Variants in CTNNA3 observed in about 807,000 individuals in gnomAD.
The protein encoded by CTNNA3 is catenin alpha-3.
In CTNNA3, 76 loss-of-function variants were observed where a neutral mutation model predicts 95.7. That is an observed-to-expected ratio of 0.79 (90% CI 0.66 to 0.96). CTNNA3 has a LOEUF of 0.96. Among genes scored for constraint, CTNNA3 ranks in the 40% least tolerant of loss-of-function variants. The pLI is 0.00. For synonymous variants in CTNNA3, 431 were observed against 374.4 expected (o/e 1.15, Z -1.74); for missense variants, 1,191 against 1,089.8 (o/e 1.09, Z -1.31).
rs2078482901 is a variant in CTNNA3, at chr10:65,988,923, C to G, written c.2160-126G>C. ...TCCGCATATGTAAAATATTCGCATC[C>G]CAAAGAACGGCTATTGTTTTTGTGA... On this transcript the variant is annotated intron_variant, in intron 15 of 17. Transcript: ENST00000433211. The G allele has an allele frequency of 8.1e-6, 5 of 617,610 alleles. No individual in the cohort carries two copies. The Admixed American group carries it at 8.6e-5, about 11-fold the overall frequency. 38.3% of individuals were successfully genotyped at this position (617,610 alleles called of 1,614,324 possible). A position where few individuals can be genotyped will look rare whatever the true frequency, so the allele number is the denominator to read the frequency against.
chr10:66,011,764 C>A (rs1421525231), intron 15 of CTNNA3, among the ~76,000 whole-genome samples: 1 of 152,162 alleles, frequency 6.6e-6, no homozygotes, highest in East Asian at 1.9e-4. Flanking sequence ...CACACAGCAA[C>A]TCTCTTTCTC....
intron 7 of CTNNA3, among the ~76,000 whole-genome samples, chr10:66,791,904 G>A (rs1057422487): frequency 2.6e-5 from 4 of 152,040 alleles, no homozygotes; most frequent in East Asian, 1.9e-4. Context: ...ACTATAATCC[G>A]TATACATATA....
rs1275173361 is a variant in CTNNA3, at chr10:67,520,113, T to G, written c.579+1729A>C. ...TAAAATGGTGCTAACAAAAGCCACCTCACTGTATTGTTATAAGCATTTAAA... is the reference window on the plus strand; with the variant it reads ...TAAAATGGTGCTAACAAAAGCCACCGCACTGTATTGTTATAAGCATTTAAA... On this transcript the variant is annotated intron_variant, in intron 5 of 17. Coordinates refer to ENST00000433211, the MANE Select transcript of CTNNA3 (RefSeq NM_013266.4). Among the ~76,000 whole-genome samples, 5 of 152,348 alleles carry G rather than the reference T, an allele frequency of 3.3e-5. No homozygotes were observed. In the East Asian group the frequency reaches 7.7e-4, roughly 24 times the overall value.
intron 5 of CTNNA3, among the ~76,000 whole-genome samples, chr10:67,348,048 A>G (rs1313324337): frequency 2.0e-5 from 3 of 152,190 alleles, no homozygotes; most frequent in Non-Finnish European, 2.9e-5. Flanking sequence ...CCAAAAATAC[A>G]CAATGGGGAA....
At chr10:66,632,471 C>G (rs2033728983) in intron 9 of CTNNA3, among the ~76,000 whole-genome samples, 1 of 148,008 alleles carries the variant, frequency 6.8e-6, no homozygotes, top group Admixed American at 6.9e-5. Context: ...AGGAGAATCG[C>G]TTGAACCTGG....
At chr10:67,458,381 T>C (rs1230808014) in intron 5 of CTNNA3, among the ~76,000 whole-genome samples, 1 of 152,066 alleles carries the variant, frequency 6.6e-6, no homozygotes, top group Non-Finnish European at 1.5e-5. Context: ...TTGCCCAAGG[T>C]CTAAAATCAG....
chr10:66,465,596 C>T (rs765834962), intron 11 of CTNNA3, among the ~76,000 whole-genome samples: 1 of 152,074 alleles, frequency 6.6e-6, no homozygotes, highest in African/African-American at 2.4e-5. Context: ...TTAATTTTTA[C>T]AGCCAAATCT....
rs542236407 is a variant in CTNNA3, at chr10:66,344,760, A to G, written c.1732+34392T>C. On this transcript the variant is annotated intron_variant, in intron 12 of 17. Transcript: ENST00000433211. The stretch of plus-strand genomic sequence containing the variant: ...GAAACATCCTTCAGACGAACTGACC[A>G]ATGGTACTGGCAATAGAGGCATCTG... Among the ~76,000 whole-genome samples the G allele has an allele frequency of 2.0e-5, 3 of 152,184 alleles. No individual in the cohort carries two copies. In the South Asian group the frequency reaches 6.2e-4, roughly 31 times the overall value.
At chr10:66,896,449 T>C (rs138473686) in intron 7 of CTNNA3, among the ~76,000 whole-genome samples, 96 of 152,322 alleles carry the variant, frequency 6.3e-4, no homozygotes, top group African/African-American at 2.2e-3. Flanking sequence ...TTTACACTAA[T>C]AATGATATTT....
At chr10:67,746,156 C>T (rs983990811) in intron 1 of CTNNA3, among the ~76,000 whole-genome samples, 2 of 152,312 alleles carry the variant, frequency 1.3e-5, no homozygotes, top group Middle Eastern at 3.4e-3. Context: ...AAGCATCCCA[C>T]TTCCTGACTT....
chr10:66,229,866 C>T (rs923851689), intron 13 of CTNNA3, among the ~76,000 whole-genome samples: 1 of 151,992 alleles, frequency 6.6e-6, no homozygotes, highest in East Asian at 1.9e-4. Flanking sequence ...TATGTATTTG[C>T]TTAATAATGT....
At chr10:66,361,138 G>T (rs12783343) in intron 12 of CTNNA3, among the ~76,000 whole-genome samples, 81,657 of 147,066 alleles carry the variant, frequency 0.56, 23,730 homozygotes, top group Non-Finnish European at 0.66. Flanking sequence ...TGAATTTTTT[G>T]TTTTTTTTTT....
intron 10 of CTNNA3, among the ~76,000 whole-genome samples, chr10:66,595,787 C>A (rs139688082): frequency 6.6e-6 from 1 of 152,032 alleles, no homozygotes; most frequent in South Asian, 2.1e-4. Context: ...CAGGAGTGCA[C>A]CACTGTACTT....
At chr10:66,899,796 G>A (rs1381694359) in intron 7 of CTNNA3, among the ~76,000 whole-genome samples, 6 of 152,186 alleles carry the variant, frequency 3.9e-5, no homozygotes, top group Admixed American at 3.3e-4. Flanking sequence ...CCTGGCAGGG[G>A]GAGAAGCATC....
intron 11 of CTNNA3, among the ~76,000 whole-genome samples, chr10:66,399,927 A>G (rs1444688952): frequency 6.6e-6 from 1 of 152,008 alleles, no homozygotes; most frequent in Non-Finnish European, 1.5e-5. Context: ...TGTTTATGTC[A>G]AAATTATCTC....
intron 17 of CTNNA3, among the ~76,000 whole-genome samples, chr10:65,921,663 A>G (rs1251491991): frequency 6.6e-6 from 1 of 152,178 alleles, no homozygotes; most frequent in Non-Finnish European, 1.5e-5. Context: ...CAGCTTCCCA[A>G]TCACAGGGCA....
intron 5 of CTNNA3, among the ~76,000 whole-genome samples, chr10:67,390,325 G>A (rs986663636): frequency 7.2e-5 from 11 of 152,202 alleles, no homozygotes; most frequent in Admixed American, 4.6e-4. Flanking sequence ...TAAATTCCTC[G>A]ACACATACAC....
rs548743627 is a variant in CTNNA3 at position 65,912,783 on chromosome 10, T to C, written c.*7547A>G. Reference sequence around the variant, plus strand: ...TATTTGGGCTTCTATGTCAATGTCATAGGAAAGAGCTTTTTCTATTTCTGG... The same window carrying C: ...TATTTGGGCTTCTATGTCAATGTCACAGGAAAGAGCTTTTTCTATTTCTGG... On this transcript the variant is annotated 3_prime_UTR_variant, in exon 18 of 18. Coordinates refer to ENST00000433211, the MANE Select transcript of CTNNA3 (RefSeq NM_013266.4). 2 of 152,286 alleles carry C rather than the reference T, an allele frequency of 1.3e-5. No individual in the cohort carries two copies. Among genetic ancestry groups the C allele is most frequent in the African/African-American group, 2.4e-5 (1 of 41,566 alleles). The allele number at this position is 152,286 out of a possible 1,614,324, so 9.4% of individuals were successfully genotyped here.
intron 6 of CTNNA3, among the ~76,000 whole-genome samples, chr10:67,181,844 A>T (rs1031368459): frequency 3.3e-5 from 5 of 151,880 alleles, no homozygotes; most frequent in East Asian, 1.9e-4. Context: ...CATTTTTTTT[A>T]AAAAAACAGC....
Sources: gnomAD v4.1 joint callset for allele counts (sites outside exome capture counted in the v4.1 genomes callset) on GRCh38, gnomAD v4.1.1 for gene constraint, MANE v1.5 for transcripts, NCBI Gene and HGNC (gene_info 2026-07-23, HGNC 2026-07-21) for gene names.